Variants in KLHL32 observed in about 807,000 individuals in gnomAD.
KLHL32 encodes the protein kelch like family member 32.
A neutral mutation model predicts 64.8 loss-of-function variants in KLHL32; 35 were observed. The ratio of observed to expected loss-of-function variants is 0.54; its 90% CI spans 0.41 to 0.72. The LOEUF is 0.72. Ranked by LOEUF, KLHL32 falls within the 30% of genes least tolerant of loss-of-function variation. The probability of loss-of-function intolerance (pLI) is 0.00; values close to 1 mark genes in which losing one functional copy is unlikely to be tolerated. For missense variants in KLHL32, 589 were observed against 768.5 expected (o/e 0.77, Z 2.76); for synonymous variants, 259 against 281.0 (o/e 0.92, Z 0.78).
chr6:97,018,239 A>G lies in KLHL32; in HGVS notation c.205-23253A>G, dbSNP rs574334477. Among the ~76,000 whole-genome samples, 74 of 152,332 alleles carry G rather than the reference A, an allele frequency of 4.9e-4. 1 individual carries two copies. Among genetic ancestry groups the G allele is most frequent in the Non-Finnish European group, 1.0e-4 (7 of 68,020 alleles). Reference sequence around the variant, plus strand: ...GTAAAAACACAACAGAAGATGACAGATATTAGACCAAATATTTTAGTAATC... The same window carrying G: ...GTAAAAACACAACAGAAGATGACAGGTATTAGACCAAATATTTTAGTAATC... On this transcript the variant is annotated intron_variant, in intron 3 of 10. Transcript: ENST00000369261.
At chr6:96,999,884 C>A (rs1006791853) in intron 3 of KLHL32, among the ~76,000 whole-genome samples, 2 of 152,076 alleles carry the variant, frequency 1.3e-5, no homozygotes, top group Admixed American at 6.6e-5. Flanking sequence ...AAAGTTTGTG[C>A]CGGATGTTGC....
At chr6:97,128,088 G>T (rs1799061714) in intron 8 of KLHL32, among the ~76,000 whole-genome samples, 1 of 152,074 alleles carries the variant, frequency 6.6e-6, no homozygotes, top group African/African-American at 2.4e-5. Flanking sequence ...TATGATTTTG[G>T]TAATGTAAAT....
At chr6:96,967,775 T>G in intron 2 of KLHL32, among the ~76,000 whole-genome samples, 1 of 152,126 alleles carries the variant, frequency 6.6e-6, no homozygotes, top group East Asian at 1.9e-4. Context: ...GAAAGTGCTC[T>G]GAAGGAAAAG....
At chr6:97,032,209 T>C (rs1783663435) in intron 3 of KLHL32, among the ~76,000 whole-genome samples, 1 of 152,210 alleles carries the variant, frequency 6.6e-6, no homozygotes, top group Admixed American at 6.5e-5. Flanking sequence ...ACATAAGTAA[T>C]ACATGTTCAT....
At chr6:96,899,090 C>T in the KLHL32 span, among the ~76,000 whole-genome samples, 1 of 152,086 alleles carries the variant, frequency 6.6e-6, no homozygotes, top group African/African-American at 2.4e-5. Flanking sequence ...AATGCTTAAT[C>T]AGAGCAAAAG....
At chr6:97,129,192 T>G (rs916806402) in intron 8 of KLHL32, among the ~76,000 whole-genome samples, 3 of 152,200 alleles carry the variant, frequency 2.0e-5, no homozygotes, top group Non-Finnish European at 4.4e-5. Flanking sequence ...TATTAGTGAG[T>G]GGACCAATTT....
At chr6:97,097,325 C>T (rs1183529546) in intron 6 of KLHL32, among the ~76,000 whole-genome samples, 1 of 152,144 alleles carries the variant, frequency 6.6e-6, no homozygotes, top group Non-Finnish European at 1.5e-5. Flanking sequence ...ATTATTCTGA[C>T]CCTTTAACTA....
At chr6:97,066,201 AT>A (rs1789716732) in intron 5 of KLHL32, among the ~76,000 whole-genome samples, 1 of 152,192 alleles carries the variant, frequency 6.6e-6, no homozygotes. Context: ...TCATCACCTG[AT>A]TCACTTTCCC....
chr6:97,120,260 ACAGGTGAGG>A, intron 7 of KLHL32, among the ~76,000 whole-genome samples: 1 of 152,268 alleles, frequency 6.6e-6, no homozygotes, highest in Non-Finnish European at 1.5e-5. Context: ...AGGTAAGCTC[ACAGGTGAGG>A]GGCAGGAACC....
chr6:97,041,409 T>C (rs1241702060), intron 3 of KLHL32, 83 bp from the exon 4 acceptor site: 5 of 832,872 alleles, frequency 6.0e-6, no homozygotes, highest in Admixed American at 2.3e-5. Context: ...AAAACTTTTT[T>C]TTCCCCTAGT....
chr6:97,092,935 G>T (rs911454100), intron 6 of KLHL32, among the ~76,000 whole-genome samples: 11 of 152,306 alleles, frequency 7.2e-5, no homozygotes, highest in African/African-American at 2.6e-4. Context: ...ATGTGCTGCT[G>T]TTCTCATGAG....
intron 5 of KLHL32, among the ~76,000 whole-genome samples, chr6:97,078,110 C>G (rs914280087): frequency 6.6e-6 from 1 of 152,134 alleles, no homozygotes; most frequent in Non-Finnish European, 1.5e-5. Context: ...TTTGACTTAA[C>G]ATTGTTAAAA....
At chr6:96,961,264 C>G (rs1214887130) in intron 1 of KLHL32, among the ~76,000 whole-genome samples, 1 of 152,110 alleles carries the variant, frequency 6.6e-6, no homozygotes, top group Non-Finnish European at 1.5e-5. Context: ...CATGACTCCC[C>G]AGACCCCTTA....
intron 3 of KLHL32, among the ~76,000 whole-genome samples, chr6:97,009,443 C>T (rs549438602): frequency 6.6e-6 from 1 of 152,244 alleles, no homozygotes; most frequent in African/African-American, 2.4e-5. Context: ...ACTATCGACA[C>T]TTTAGGATTT....
At chr6:97,061,088 G>A (rs1022150441) in intron 4 of KLHL32, among the ~76,000 whole-genome samples, 3 of 152,128 alleles carry the variant, frequency 2.0e-5, no homozygotes, top group African/African-American at 7.2e-5. Flanking sequence ...TCCCTCATTC[G>A]AGAACAGCCC....
intron 6 of KLHL32, among the ~76,000 whole-genome samples, chr6:97,106,602 G>T (rs192948979): frequency 6.6e-6 from 1 of 152,168 alleles, no homozygotes; most frequent in African/African-American, 2.4e-5. Flanking sequence ...AAATAGCTGG[G>T]TGGTAATGGC....
chr6:96,949,126 G>A (rs923913186), intron 1 of KLHL32, among the ~76,000 whole-genome samples: 1 of 152,130 alleles, frequency 6.6e-6, no homozygotes, highest in Non-Finnish European at 1.5e-5. Context: ...TTTCTTGTTT[G>A]TCTATTTACT....
chr6:97,078,946 A>C (rs903009205), intron 5 of KLHL32, among the ~76,000 whole-genome samples: 2 of 152,130 alleles, frequency 1.3e-5, no homozygotes, highest in Non-Finnish European at 2.9e-5. Flanking sequence ...AACTAAGACT[A>C]TGTTTCAGAA....
intron 5 of KLHL32, among the ~76,000 whole-genome samples, chr6:97,082,990 C>T (rs895552311): frequency 3.9e-5 from 6 of 152,190 alleles, no homozygotes; most frequent in African/African-American, 1.2e-4. Context: ...TGTTCTTGCT[C>T]TCCCCCGCAA....
Sources: allele counts gnomAD v4.1 joint callset (sites outside exome capture counted in the v4.1 genomes callset), GRCh38; gene constraint gnomAD v4.1.1; transcripts MANE v1.5; gene names NCBI Gene and HGNC (gene_info 2026-07-23, HGNC 2026-07-21).